The following PAXBP1 variants were observed in gnomAD, a reference collection of about 807,000 sequenced individuals.
The protein encoded by PAXBP1 is PAX3- and PAX7-binding protein 1.
In PAXBP1, 44 loss-of-function variants were observed where a neutral mutation model predicts 119.9. The ratio of observed to expected loss-of-function variants is 0.37; its 90% CI spans 0.29 to 0.47. PAXBP1 has a LOEUF of 0.47. Ranked by LOEUF, PAXBP1 falls within the 20% of genes least tolerant of loss-of-function variation. PAXBP1 has a pLI of 0.99. For synonymous variants in PAXBP1, 393 were observed against 406.6 expected (o/e 0.97, Z 0.40); for missense variants, 898 against 1,134.1 (o/e 0.79, Z 2.99).
chr21:32,771,672 C>G lies in PAXBP1; in HGVS notation c.-4G>C, dbSNP rs1450980300. 1.0e-5 allele frequency: 14 copies of G among 1,405,928 alleles called. No individual in the cohort carries two copies. The highest frequency in any genetic ancestry group is 1.2e-5 in the Non-Finnish European group (13 of 1,085,170). 87.1% of individuals were successfully genotyped at this position (1,405,928 alleles called of 1,614,324 possible). ...CCCGCCGGGCCTTTCGGAACATCCC[C>G]GCGGCCCGCACGGCGGTCGAATACT... is the stretch of plus-strand genomic sequence containing the variant. On this transcript the variant is annotated 5_prime_UTR_variant, in exon 1 of 18. Coordinates refer to ENST00000331923, the MANE Select transcript of PAXBP1 (RefSeq NM_016631.4).
intron 4 of PAXBP1, 98 bp downstream of exon 4, chr21:32,761,992 ATTGTAC>A (rs2044156167): frequency 8.6e-7 from 1 of 1,166,954 alleles, no homozygotes; most frequent in Admixed American, 2.1e-5. Context: ...GTGAGCTATG[ATTGTAC>A]CACTGCACTC....
At position 32,734,230 on chromosome 21, in the gene PAXBP1, G is replaced by C. The variant is rs1411930823; in HGVS notation, c.*720C>G. ...AGGGAGTAAAATCATGAATGAGACA[G>C]GACGGTCAGCCCAAAACCATGCAAT... On this transcript the variant is annotated 3_prime_UTR_variant, in exon 18 of 18. Coordinates refer to ENST00000331923, the MANE Select transcript of PAXBP1 (RefSeq NM_016631.4). The C allele has an allele frequency of 6.5e-6, 1 of 152,690 alleles. No individual in the cohort carries two copies. Among genetic ancestry groups the C allele is most frequent in the Non-Finnish European group, 1.5e-5 (1 of 68,058 alleles). The allele number at this position is 152,690 out of a possible 1,614,324, so 9.5% of individuals were successfully genotyped here.
chr21:32,741,733 G>A, intron 15 of PAXBP1: 1 of 528,470 alleles, frequency 1.9e-6, no homozygotes, highest in African/African-American at 1.9e-5. Context: ...TTGCGGAAAA[G>A]GGGTTCTGGT....
intron 8 of PAXBP1, among the ~76,000 whole-genome samples, chr21:32,753,206 C>A (rs2043985010): frequency 6.6e-6 from 1 of 151,840 alleles, no homozygotes; most frequent in African/African-American, 2.4e-5. Context: ...CGCCTGTAAT[C>A]CCAGCACTTT....
At chr21:32,770,050 C>T in intron 1 of PAXBP1, 108 bp from the exon 2 acceptor site, 1 of 746,344 alleles carries the variant, frequency 1.3e-6, no homozygotes, top group South Asian at 2.2e-5. Flanking sequence ...TATATATACT[C>T]ATATGCCAAA....
chr21:32,751,413 A>G (rs2043957134), intron 8 of PAXBP1, 195 bp from the exon 9 acceptor site: 1 of 495,648 alleles, frequency 2.0e-6, no homozygotes, highest in Admixed American at 3.2e-5. Flanking sequence ...TAAAAAGTAG[A>G]AAAATTAAAG....
intron 11 of PAXBP1, among the ~76,000 whole-genome samples, chr21:32,746,877 C>G (rs1039017231): frequency 2.0e-5 from 3 of 152,144 alleles, no homozygotes; most frequent in African/African-American, 7.2e-5. Flanking sequence ...AAATGTTATA[C>G]ATATACACCA....
chr21:32,751,277 T>C, intron 8 of PAXBP1, 59 bp from the exon 9 acceptor site: 1 of 1,515,520 alleles, frequency 6.6e-7, no homozygotes, highest in South Asian at 1.1e-5. Context: ...GAGGAAAGAG[T>C]TTGCACAGAA....
At chr21:32,755,034 C>T (rs2044020928) in intron 8 of PAXBP1, among the ~76,000 whole-genome samples, 196 bp downstream of exon 8, 1 of 151,820 alleles carries the variant, frequency 6.6e-6, no homozygotes, top group African/African-American at 2.4e-5. Context: ...TTTTGAGCTC[C>T]TTTGTGAAGC....
At chr21:32,748,782 G>C in intron 10 of PAXBP1, 84 bp from the exon 11 acceptor site, 1 of 1,194,138 alleles carries the variant, frequency 8.4e-7, no homozygotes, top group Non-Finnish European at 1.2e-6. Flanking sequence ...TGTTTTCTTT[G>C]TAGCTTCAGT....
chr21:32,762,911 C>CAAAAAA (rs763196446), intron 3 of PAXBP1, among the ~76,000 whole-genome samples: 2 of 47,912 alleles, frequency 4.2e-5, no homozygotes, highest in African/African-American at 1.6e-4. Context: ...AACTCCGTCT[C>CAAAAAA]AAAAAAAAAA....
chr21:32,743,565 T>C, intron 14 of PAXBP1, 113 bp downstream of exon 14: 2 of 827,458 alleles, frequency 2.4e-6, no homozygotes, highest in Non-Finnish European at 4.0e-6. Flanking sequence ...AGTCTCTCTG[T>C]AATACACTAC....
chr21:32,738,194 G>A lies in PAXBP1; in HGVS notation c.2460C>T (p.Asp820=). ...MAFQNSEYGD[D]SIKKAQNVIN... ...TCACATTTTGGGCTTTTTTGATGCT[G>A]TCATCTCCATATTCTGAATTCTGAA... The change falls in exon 16 of 18, where the codon GAC becomes GAT. Residue 820 remains aspartate (D), a synonymous_variant. Transcript: ENST00000331923. 1 of 1,585,720 alleles carries A rather than the reference G, an allele frequency of 6.3e-7. No individual in the cohort carries two copies. Among genetic ancestry groups the A allele is most frequent in the Non-Finnish European group, 8.5e-7 (1 of 1,171,380 alleles).
chr21:32,736,627 T>C (rs1232089178), intron 17 of PAXBP1, among the ~76,000 whole-genome samples: 2 of 152,214 alleles, frequency 1.3e-5, no homozygotes, highest in East Asian at 3.8e-4. Flanking sequence ...TGGTGTGATC[T>C]AAACAAAAAT....
At chr21:32,750,485 GAA>G (rs1337617450) in intron 10 of PAXBP1, among the ~76,000 whole-genome samples, 1 of 152,190 alleles carries the variant, frequency 6.6e-6, no homozygotes, top group Non-Finnish European at 1.5e-5. Flanking sequence ...GGATCCTTCT[GAA>G]AATGCCTGGC....
intron 8 of PAXBP1, among the ~76,000 whole-genome samples, chr21:32,754,489 A>G (rs969329481): frequency 2.6e-5 from 4 of 152,244 alleles, no homozygotes; most frequent in Admixed American, 6.5e-5. Flanking sequence ...GGTAACGGAA[A>G]AAAAGGAACT....
intron 8 of PAXBP1, 178 bp from the exon 9 acceptor site, chr21:32,751,396 C>G: frequency 3.8e-6 from 2 of 520,316 alleles, no homozygotes; most frequent in Non-Finnish European, 6.9e-6. Context: ...ATTCTGCGTT[C>G]CCATTTTAAA....
In PAXBP1 at chr21:32,737,308, T is replaced by C. The variant is rs1195704001; in HGVS notation, c.2582A>G (p.Asp861Gly). 2 of 1,597,732 alleles carry C rather than the reference T, an allele frequency of 1.3e-6. No homozygotes were observed. The highest frequency in any genetic ancestry group is 1.7e-6 in the Non-Finnish European group (2 of 1,171,648). Residue 861 changes from aspartate to glycine, a missense_variant, in exon 17 of 18, where the codon GAT (aspartate) becomes GGT (glycine). By Grantham distance (94) the Asp-to-Gly change is moderately conservative. This residue lies in a region of PAXBP1 where 599 missense variants were observed against 852.7 expected (regional missense o/e 0.70). Coordinates refer to ENST00000331923, the MANE Select transcript of PAXBP1 (RefSeq NM_016631.4). ...CCCGATACTATTTCTATAAATTGTA[T>C]CCGCTAAGTGTACAAGGTATCGGCA... ...NFCRYLVHLADTIYRNSIGCS... is the reference protein window; with the variant it reads ...NFCRYLVHLAGTIYRNSIGCS...
chr21:32,771,559 C>A lies in PAXBP1; in HGVS notation c.110G>T (p.Gly37Val). 7.0e-7 allele frequency: 1 copy of A among 1,421,050 alleles called. No homozygotes were observed. Among genetic ancestry groups the A allele is most frequent in the South Asian group, 1.4e-5 (1 of 70,810 alleles). 88.0% of individuals were successfully genotyped at this position (1,421,050 alleles called of 1,614,324 possible). Residue 37 changes from glycine to valine, a missense_variant, in exon 1 of 18, where the codon GGC becomes GTC. Around this residue, in one of 2 missense-constraint regions of PAXBP1, gnomAD observed 299 missense variants for 281.4 expected, o/e 1.06. Coordinates refer to ENST00000331923, the MANE Select transcript of PAXBP1 (RefSeq NM_016631.4). The stretch of plus-strand genomic sequence containing the variant: ...ACCGGGGCCCGCCTCTTCGCCCGTG[C>A]CCGGCGGCGGCAACAACGGCGGCGG... Reference protein sequence around the residue: ...QEPPPLLPPPGTGEEAGPGGG... With the variant: ...QEPPPLLPPPVTGEEAGPGGG...
Sources: gnomAD v4.1 joint callset for allele counts (sites outside exome capture counted in the v4.1 genomes callset) on GRCh38, gnomAD v4.1.1 for gene constraint, gnomAD v4.1.1 regional missense constraint, MANE v1.5 for transcripts, NCBI Gene and HGNC (gene_info 2026-07-23, HGNC 2026-07-21) for gene names.